UQCC2: variants seen among roughly 807,000 people sequenced by gnomAD.
The protein encoded by UQCC2 is breast cancer-associated protein SGA-81M.
UQCC2 carries 21 observed loss-of-function variants against 19.9 expected under a neutral mutation model. The observed-to-expected ratio is 1.05, with a 90% CI of 0.75 to 1.52. The LOEUF (loss-of-function observed/expected upper bound fraction) is 1.52. Among genes scored for constraint, UQCC2 ranks in the 40% most tolerant of loss-of-function variants. The pLI, the probability that UQCC2 is intolerant of heterozygous loss-of-function variation, is 0.00. For missense variants in UQCC2, 135 were observed against 157.5 expected (o/e 0.86, Z 0.76); for synonymous variants, 57 against 60.9 (o/e 0.94, Z 0.30).
Position 33,711,511 on chromosome 6 carries a change from T to G in UQCC2, c.138+38A>C, listed in dbSNP as rs554483797. ...CGTTGGCCCCGCCCCTGCCTCGTCCTTTCCTCCCCTCGTCCCAGCCGCCTC... is the reference window on the plus strand; with the variant it reads ...CGTTGGCCCCGCCCCTGCCTCGTCCGTTCCTCCCCTCGTCCCAGCCGCCTC... On this transcript the variant is annotated intron_variant, in intron 1 of 3. Coordinates refer to ENST00000607484, the MANE Select transcript of UQCC2 (RefSeq NM_032340.4). 12 of 1,568,800 alleles carry G rather than the reference T, an allele frequency of 7.6e-6. No homozygotes were observed. The South Asian group carries it at 1.4e-4, about 18-fold the overall frequency.
chr6:33,699,049 G>A (rs947948464), intron 3 of UQCC2, among the ~76,000 whole-genome samples: 2 of 152,142 alleles, frequency 1.3e-5, no homozygotes, highest in African/African-American at 4.8e-5. Flanking sequence ...CCAGTGTCCA[G>A]GTGGACACTG....
intron 1 of UQCC2, 66 bp downstream of exon 1, chr6:33,711,483 G>T: frequency 6.6e-7 from 1 of 1,514,698 alleles, no homozygotes; most frequent in Non-Finnish European, 8.8e-7. Flanking sequence ...CTGCTAGCGC[G>T]CTCGTTGGCC....
chr6:33,711,271 C>T (rs985383185), intron 1 of UQCC2, among the ~76,000 whole-genome samples: 1 of 152,182 alleles, frequency 6.6e-6, no homozygotes, highest in Non-Finnish European at 1.5e-5. Flanking sequence ...CTCGGCCTCT[C>T]AAAGAGTGCT....
At chr6:33,701,498 A>G (rs1268538511) in intron 1 of UQCC2, 78 bp from the exon 2 acceptor site, 1 of 1,416,540 alleles carries the variant, frequency 7.1e-7, no homozygotes, top group Non-Finnish European at 9.7e-7. Context: ...AGGAAAGACC[A>G]TACTTAATAA....
At chr6:33,705,035 T>TC (rs1231867970) in intron 1 of UQCC2, among the ~76,000 whole-genome samples, 9 of 144,114 alleles carry the variant, frequency 6.2e-5, no homozygotes, top group African/African-American at 1.0e-4. Flanking sequence ...TCTCACTTCT[T>TC]TTTTTTTTTT....
At chr6:33,711,083 G>C (rs1350111058) in intron 1 of UQCC2, among the ~76,000 whole-genome samples, 1 of 152,220 alleles carries the variant, frequency 6.6e-6, no homozygotes, top group Non-Finnish European at 1.5e-5. Context: ...GCCACTGGTG[G>C]TGTGGGTCTC....
chr6:33,704,686 T>C (rs985121790), intron 1 of UQCC2, among the ~76,000 whole-genome samples: 4 of 152,166 alleles, frequency 2.6e-5, no homozygotes, highest in Non-Finnish European at 5.9e-5. Context: ...CTTCCTCCCA[T>C]AGCCTCTGCC....
At chr6:33,709,075 G>GA (rs1765734481) in intron 1 of UQCC2, among the ~76,000 whole-genome samples, 2 of 152,208 alleles carry the variant, frequency 1.3e-5, no homozygotes, top group South Asian at 4.1e-4. Flanking sequence ...CTCCGAAAGA[G>GA]AAAACTCTTT....
chr6:33,700,368 T>TA, intron 3 of UQCC2, 76 bp downstream of exon 3: 4 of 1,527,316 alleles, frequency 2.6e-6, no homozygotes, highest in Non-Finnish European at 3.6e-6. Context: ...ACTGTCTTCT[T>TA]AGACAATTCC....
At position 33,711,640 on chromosome 6, in the gene UQCC2, C is replaced by T; in HGVS notation, c.47G>A (p.Trp16Ter). 1 of 1,612,838 alleles carries T rather than the reference C, an allele frequency of 6.2e-7. No homozygotes were observed. Among genetic ancestry groups the T allele is most frequent in the Non-Finnish European group, 8.5e-7 (1 of 1,179,210 alleles). ...GCCCCGTTTGGTCTCGTCCACTGGC[C>T]ATTCCTCACAGAGCTTAAGAAAACG... ...YRRFLKLCEE[W>*]PVDETKRGRD... Residue 16 changes from tryptophan (W) to a stop codon, truncating the protein, a stop_gained, in exon 1 of 4, where the codon TGG becomes TAG. Coordinates refer to ENST00000607484, the MANE Select transcript of UQCC2 (RefSeq NM_032340.4). LOFTEE classifies it high-confidence loss of function.
rs557913737 is a variant in UQCC2, at chr6:33,697,332, G to C, written c.*321C>G. On this transcript the variant is annotated 3_prime_UTR_variant, in exon 4 of 4. Coordinates refer to ENST00000607484, the MANE Select transcript of UQCC2 (RefSeq NM_032340.4). ...TATCTTGCCAGGAGACACCAGACCC[G>C]TGCCAGAGGGGCGGGGGCTCCCGTG... 1.1e-5 allele frequency: 3 copies of C among 261,298 alleles called. No individual in the cohort carries two copies. The highest frequency in any genetic ancestry group is 2.2e-5 in the Non-Finnish European group (3 of 138,586). 16.2% of individuals were successfully genotyped at this position (261,298 alleles called of 1,614,324 possible).
chr6:33,701,337 C>T lies in UQCC2; in HGVS notation c.213+9G>A. 3 of 1,610,446 alleles carry T rather than the reference C, an allele frequency of 1.9e-6. No individual in the cohort carries two copies. Among genetic ancestry groups the T allele is most frequent in the Non-Finnish European group, 2.5e-6 (3 of 1,178,518 alleles). ...AAGCTGGGTATATAAAAGACTGTGG[C>T]CCACTCACCTTGTGTTTGTAGTAGT... On this transcript the variant is annotated intron_variant, in intron 2 of 3. Transcript: ENST00000607484.
At chr6:33,700,756 CCT>C (rs1443765069) in intron 2 of UQCC2, among the ~76,000 whole-genome samples, 3 of 152,310 alleles carry the variant, frequency 2.0e-5, no homozygotes, top group African/African-American at 7.2e-5. Flanking sequence ...GGGTGGGGCC[CCT>C]GATTCTGCAT....
At chr6:33,701,952 G>A (rs1168291805) in intron 1 of UQCC2, among the ~76,000 whole-genome samples, 3 of 151,922 alleles carry the variant, frequency 2.0e-5, no homozygotes, top group African/African-American at 4.8e-5. Context: ...AGGAGATGCC[G>A]TCAGCAAGGA....
chr6:33,705,021 G>A (rs9366828), intron 1 of UQCC2, among the ~76,000 whole-genome samples: 61,259 of 149,862 alleles, frequency 0.41, 14,940 homozygotes, highest in East Asian at 0.85. Context: ...TGACCCTCAG[G>A]TACTCTCACT....
At chr6:33,701,071 G>T (rs1765633993) in intron 2 of UQCC2, among the ~76,000 whole-genome samples, 1 of 152,188 alleles carries the variant, frequency 6.6e-6, no homozygotes, top group South Asian at 2.1e-4. Flanking sequence ...ATGGCTGTCA[G>T]ACATTCCCAG....
intron 3 of UQCC2, among the ~76,000 whole-genome samples, chr6:33,699,785 A>C (rs1001599007): frequency 2.0e-5 from 3 of 152,252 alleles, no homozygotes; most frequent in Admixed American, 1.3e-4. Flanking sequence ...TGTCAGGGCC[A>C]TGCCCTCCCA....
At chr6:33,704,448 C>T (rs967770442) in intron 1 of UQCC2, among the ~76,000 whole-genome samples, 2 of 152,166 alleles carry the variant, frequency 1.3e-5, no homozygotes, top group East Asian at 1.9e-4. Context: ...CCGAGGGTGG[C>T]GCTGGAAACG....
At chr6:33,697,843 G>C (rs1765584501) in intron 3 of UQCC2, 93 bp from the exon 4 acceptor site, 1 of 1,012,416 alleles carries the variant, frequency 9.9e-7, no homozygotes, top group African/African-American at 1.6e-5. Context: ...CACAAGCATG[G>C]CTTGCTTTTC....
Sources: allele counts gnomAD v4.1 joint callset (sites outside exome capture counted in the v4.1 genomes callset), GRCh38; gene constraint gnomAD v4.1.1; transcripts MANE v1.5; gene names NCBI Gene and HGNC (gene_info 2026-07-23, HGNC 2026-07-21).